Variants in SLC30A8 observed in about 807,000 individuals in gnomAD.
SLC30A8 encodes the protein proton-coupled zinc antiporter SLC30A8.
Under a neutral mutation model 36.9 loss-of-function variants are expected in SLC30A8, and 27 were observed. The ratio of observed to expected loss-of-function variants is 0.73; its 90% CI spans 0.54 to 1.01. The LOEUF (loss-of-function observed/expected upper bound fraction) is 1.01, where lower values mean the gene tolerates loss of function less well. SLC30A8 is among the 50% of genes least tolerant of loss of function. The probability of loss-of-function intolerance (pLI) is 0.00; values close to 1 mark genes in which losing one functional copy is unlikely to be tolerated. For synonymous variants in SLC30A8, 164 were observed against 172.4 expected (o/e 0.95, Z 0.38); for missense variants, 439 against 452.0 (o/e 0.97, Z 0.26).
At chr8:117,113,745 A>T (rs1820328101) in intron 2 of SLC30A8, among the ~76,000 whole-genome samples, 1 of 152,140 alleles carries the variant, frequency 6.6e-6, no homozygotes, top group Admixed American at 6.6e-5. Flanking sequence ...CCAATTTAAT[A>T]AAACTTAATG....
chr8:116,980,054 T>A (rs1586356020), intron 1 of SLC30A8, among the ~76,000 whole-genome samples: 1 of 152,202 alleles, frequency 6.6e-6, no homozygotes, highest in East Asian at 1.9e-4. Context: ...GGAACGACTA[T>A]GGATGTGATT....
At chr8:117,054,126 C>G (rs1302878064) in intron 2 of SLC30A8, among the ~76,000 whole-genome samples, 2 of 118,204 alleles carry the variant, frequency 1.7e-5, no homozygotes, top group Admixed American at 1.8e-4. Flanking sequence ...TGAGACAGGG[C>G]CTTGCTCTGT....
intron 4 of SLC30A8, among the ~76,000 whole-genome samples, chr8:117,159,799 T>C (rs2129643971): frequency 6.6e-6 from 1 of 152,304 alleles, no homozygotes; most frequent in African/African-American, 2.4e-5. Flanking sequence ...TTAGGCTGTC[T>C]TGATGCTACA....
intron 2 of SLC30A8, among the ~76,000 whole-genome samples, chr8:117,069,774 C>G (rs1818272217): frequency 6.6e-6 from 1 of 152,200 alleles, no homozygotes; most frequent in South Asian, 2.1e-4. Context: ...TGTCTCCCCA[C>G]AGTAGCAGTG....
At chr8:117,078,035 A>G (rs549705379) in intron 2 of SLC30A8, among the ~76,000 whole-genome samples, 2 of 152,348 alleles carry the variant, frequency 1.3e-5, no homozygotes, top group African/African-American at 4.8e-5. Flanking sequence ...GAGAAATGTC[A>G]GGAATACCTT....
intron 2 of SLC30A8, among the ~76,000 whole-genome samples, chr8:117,072,320 T>C (rs1818357267): frequency 6.6e-6 from 1 of 152,238 alleles, no homozygotes; most frequent in Non-Finnish European, 1.5e-5. Flanking sequence ...TGAATTCAAG[T>C]ATATATCCAT....
At chr8:116,985,333 CAA>C (rs1400852760) in intron 1 of SLC30A8, among the ~76,000 whole-genome samples, 4 of 133,748 alleles carry the variant, frequency 3.0e-5, no homozygotes, top group South Asian at 2.6e-4. Context: ...CACACACACA[CAA>C]GTATGTATAT....
intron 2 of SLC30A8, among the ~76,000 whole-genome samples, chr8:117,079,841 C>T (rs1047521719): frequency 2.6e-5 from 4 of 152,142 alleles, no homozygotes; most frequent in African/African-American, 7.2e-5. Context: ...TTGAATTCCC[C>T]GTTGTTAAAC....
At chr8:117,171,218 A>G (rs776848005) in intron 7 of SLC30A8, 50 bp downstream of exon 7, 4 of 1,588,350 alleles carry the variant, frequency 2.5e-6, no homozygotes, top group South Asian at 2.2e-5. Context: ...CTTGTCCTGT[A>G]AAGTCAGTAA....
intron 7 of SLC30A8, among the ~76,000 whole-genome samples, chr8:117,172,076 G>T (rs1823412167): frequency 6.6e-6 from 1 of 152,106 alleles, no homozygotes. Flanking sequence ...GAAAAAAATG[G>T]CAGTGAGGGT....
chr8:116,961,137 A>G (rs576619016), intron 1 of SLC30A8, among the ~76,000 whole-genome samples: 45 of 152,330 alleles, frequency 3.0e-4, no homozygotes, highest in African/African-American at 9.9e-4. Context: ...CTTGTTTTAA[A>G]AAGATTTATG....
Position 116,970,065 on chromosome 8 carries a change from AAC to A in SLC30A8, c.-266+18952_-266+18953del, listed in dbSNP as rs1451667152. 7.2e-5 allele frequency among the ~76,000 whole-genome samples: 11 copies of A among 152,114 alleles called. No homozygotes were observed. In the East Asian group the frequency reaches 1.9e-3, roughly 27 times the overall value. ...TCTTTTGTAATAATGCTTCACTTAA[AAC>A]ACACATTACTCCAATGTACAAAAAT... On this transcript the variant is annotated intron_variant, in intron 1 of 10. Coordinates refer to the SLC30A8 transcript ENST00000427715.
intron 6 of SLC30A8, among the ~76,000 whole-genome samples, chr8:117,164,673 G>A (rs1822972399): frequency 1.3e-5 from 2 of 152,192 alleles, no homozygotes; most frequent in Non-Finnish European, 1.5e-5. Context: ...AAATGCAGTA[G>A]TGGGAACTGC....
intron 2 of SLC30A8, among the ~76,000 whole-genome samples, chr8:117,082,837 C>T (rs1818720812): frequency 6.6e-6 from 1 of 152,062 alleles, no homozygotes; most frequent in Non-Finnish European, 1.5e-5. Flanking sequence ...TGACTTGATG[C>T]CTAGACAAGA....
intron 1 of SLC30A8, among the ~76,000 whole-genome samples, chr8:117,005,663 G>A (rs940226241): frequency 1.3e-5 from 2 of 152,200 alleles, no homozygotes; most frequent in African/African-American, 2.4e-5. Flanking sequence ...GTTTTCCAAA[G>A]CAGCTATCCC....
chr8:117,083,566 C>T (rs1490367669), intron 2 of SLC30A8, among the ~76,000 whole-genome samples: 1 of 152,182 alleles, frequency 6.6e-6, no homozygotes, highest in Non-Finnish European at 1.5e-5. Context: ...CATTCTTGCA[C>T]TATCCCTGGC....
intron 1 of SLC30A8, among the ~76,000 whole-genome samples, chr8:117,001,076 A>G (rs1815993683): frequency 6.6e-6 from 1 of 152,082 alleles, no homozygotes. Flanking sequence ...TCCGTGTATC[A>G]GGGTGGGCTC....
chr8:117,035,746 C>T (rs1410617915), intron 1 of SLC30A8, among the ~76,000 whole-genome samples: 1 of 152,246 alleles, frequency 6.6e-6, no homozygotes, highest in Non-Finnish European at 1.5e-5. Flanking sequence ...CATACATCCT[C>T]TGAAATCTAG....
chr8:117,098,095 TA>T (rs1819541196), intron 2 of SLC30A8, among the ~76,000 whole-genome samples: 5 of 141,058 alleles, frequency 3.5e-5, no homozygotes, highest in Non-Finnish European at 7.5e-5. Flanking sequence ...ATATTATATA[TA>T]ATATACGTTC....
Sources: allele counts gnomAD v4.1 joint callset (sites outside exome capture counted in the v4.1 genomes callset), GRCh38; gene constraint gnomAD v4.1.1; transcripts MANE v1.5; gene names NCBI Gene and HGNC (gene_info 2026-07-23, HGNC 2026-07-21).